Variants in WDR62 observed in about 807,000 individuals in gnomAD.
WDR62 encodes the protein WD repeat-containing protein 62.
WDR62 carries 112 observed loss-of-function variants against 160.6 expected under a neutral mutation model. That is an observed-to-expected ratio of 0.70 (90% CI 0.60 to 0.82). The LOEUF is 0.82. Ranked by LOEUF, WDR62 falls within the 40% of genes least tolerant of loss-of-function variation. The pLI, the probability that WDR62 is intolerant of heterozygous loss-of-function variation, is 0.00. For synonymous variants in WDR62, 792 were observed against 815.1 expected (o/e 0.97, Z 0.48); for missense variants, 1,819 against 1,983.8 (o/e 0.92, Z 1.58).
At chr19:36,106,718 G>A (rs1270290026), downstream of WDR62, among the ~76,000 whole-genome samples, 1 of 152,226 alleles carries the variant, frequency 6.6e-6, no homozygotes, top group East Asian at 1.9e-4. Context: ...GCAAGGGGAG[G>A]GCAGGAGCTG....
chr19:36,079,644 C>T (rs1423116487), intron 9 of WDR62, among the ~76,000 whole-genome samples: 1 of 152,216 alleles, frequency 6.6e-6, no homozygotes, highest in African/African-American at 2.4e-5. Context: ...CTCCTACTTT[C>T]AGCTGCTGTT....
At chr19:36,111,143 G>A in the WDR62 span, 65 of 1,382,306 alleles carry the variant, frequency 4.7e-5, no homozygotes, top group Non-Finnish European at 4.7e-5. Context: ...AGTCATCCTG[G>A]GGCTGAGGTC....
chr19:36,078,077 G>T (rs373063085), intron 9 of WDR62, among the ~76,000 whole-genome samples: 1 of 151,940 alleles, frequency 6.6e-6, no homozygotes, highest in Admixed American at 6.6e-5. Flanking sequence ...ATCAGTTGAC[G>T]GCCACTTGGG....
At chr19:36,082,048 G>A (rs986159960) in intron 10 of WDR62, 34 of 358,026 alleles carry the variant, frequency 9.5e-5, no homozygotes, top group South Asian at 5.8e-4. Flanking sequence ...GTGAGAGGGC[G>A]TCTCTGGGGA....
chr19:36,086,606 C>A (rs1331230877), intron 12 of WDR62, 81 bp from the exon 13 acceptor site: 12 of 1,519,200 alleles, frequency 7.9e-6, no homozygotes, highest in Admixed American at 3.9e-5. Context: ...GAGGACTGGG[C>A]AGCTTGGTCA....
chr19:36,079,506 C>A (rs998838668), intron 9 of WDR62, among the ~76,000 whole-genome samples: 1 of 152,168 alleles, frequency 6.6e-6, no homozygotes, highest in African/African-American at 2.4e-5. Context: ...TGGTCAATTT[C>A]ATTTCTACTC....
intron 21 of WDR62, among the ~76,000 whole-genome samples, chr19:36,097,353 T>C (rs1973036086): frequency 6.6e-6 from 1 of 152,178 alleles, no homozygotes; most frequent in South Asian, 2.1e-4. Flanking sequence ...AATATCCCCA[T>C]TAAATAAGTA....
At chr19:36,097,188 A>AGAGG in intron 21 of WDR62, 109 bp downstream of exon 21, 1 of 1,064,382 alleles carries the variant, frequency 9.4e-7, no homozygotes, top group Non-Finnish European at 1.4e-6. Flanking sequence ...TCCCTGGAGA[A>AGAGG]GCCCTGTCAT....
At chr19:36,055,215 A>G in intron 1 of WDR62, 67 bp downstream of exon 1, 1 of 1,530,392 alleles carries the variant, frequency 6.5e-7, no homozygotes, top group Admixed American at 2.0e-5. Context: ...TCCCGTCCTG[A>G]GAACTGTGGC....
intron 4 of WDR62, 45 bp from the exon 5 acceptor site, chr19:36,066,212 G>A (rs768985254): frequency 6.2e-7 from 1 of 1,613,122 alleles, no homozygotes; most frequent in Admixed American, 1.7e-5. Context: ...CTCTAGCCCT[G>A]CCCAGTACAG....
chr19:36,102,585 C>T, intron 26 of WDR62, 152 bp from the exon 27 acceptor site: 1 of 673,276 alleles, frequency 1.5e-6, no homozygotes, highest in Non-Finnish European at 2.6e-6. Context: ...TGACCTGAGC[C>T]TCACGATGCC....
chr19:36,102,996 T>C lies in WDR62; in HGVS notation c.3384T>C (p.Ser1128=). 1 of 1,614,068 alleles carries C rather than the reference T, an allele frequency of 6.2e-7. No individual in the cohort carries two copies. Among genetic ancestry groups the C allele is most frequent in the Non-Finnish European group, 8.5e-7 (1 of 1,179,984 alleles). ...GGGCAACCCAGTGCCTTGTGAAGTC[T>C]CCAGAGGTCAAGCTCATGGACCGAG... ...PPRATQCLVK[S]PEVKLMDRGG... is the part of the protein sequence containing the mutation. Residue 1128 remains serine (S), a synonymous_variant, in exon 28 of 32, where the codon TCT becomes TCC. Coordinates refer to ENST00000401500, the MANE Select transcript of WDR62 (RefSeq NM_001083961.2).
intron 18 of WDR62, among the ~76,000 whole-genome samples, chr19:36,091,732 A>G (rs1336535643): frequency 6.6e-6 from 1 of 151,884 alleles, no homozygotes; most frequent in East Asian, 1.9e-4. Flanking sequence ...CCCTATCTCT[A>G]CAAAAAATTA....
intron 25 of WDR62, 22 bp from the exon 26 acceptor site, chr19:36,101,992 C>A (rs1472989833): frequency 6.2e-7 from 1 of 1,614,028 alleles, no homozygotes; most frequent in Admixed American, 1.7e-5. Context: ...CTCCTCTTGT[C>A]CCTCCCCTCC....
In WDR62 at chr19:36,089,251, G is replaced by A. The variant is rs1163120586; in HGVS notation, c.1903G>A (p.Asp635Asn). ...AGAGAAAACCACCTTGTATGACATGGACATTGACATCACCCAGAAGTACGT... is the reference window on the plus strand; with the variant it reads ...AGAGAAAACCACCTTGTATGACATGAACATTGACATCACCCAGAAGTACGT... ...VAEKTTLYDM[D>N]IDITQKYVAV... Residue 635 changes from aspartate to asparagine, a missense_variant, in exon 15 of 32, where the codon GAC becomes AAC. Coordinates refer to ENST00000401500, the MANE Select transcript of WDR62 (RefSeq NM_001083961.2). The A allele has an allele frequency of 6.2e-7, 1 of 1,614,048 alleles. No homozygotes were observed. Among genetic ancestry groups the A allele is most frequent in the Non-Finnish European group, 8.5e-7 (1 of 1,180,044 alleles).
At chr19:36,078,637 C>T (rs1971715527) in intron 9 of WDR62, among the ~76,000 whole-genome samples, 1 of 151,700 alleles carries the variant, frequency 6.6e-6, no homozygotes, top group African/African-American at 2.4e-5. Context: ...GAGTTTGAGA[C>T]CAGCCTGGCC....
chr19:36,102,948 G>C lies in WDR62; in HGVS notation c.3336G>C (p.Arg1112Ser). ...QFLSSLQKAS[R>S]FTHTFPPRAT... is the part of the protein sequence containing the mutation. ...ATCCCCCCTGCTCTCCTCCCCACAG[G>C]TTCACCCATACCTTCCCTCCCCGGG... Residue 1112 changes from arginine (R) to serine (S), a missense_variant and splice_region_variant, in exon 28 of 32, where the codon AGG becomes AGC. Arg to Ser is a moderately radical substitution (Grantham distance 110). Around this residue, in one of 3 missense-constraint regions of WDR62, gnomAD observed 770 missense variants for 734.2 expected, o/e 1.05. Coordinates refer to ENST00000401500, the MANE Select transcript of WDR62 (RefSeq NM_001083961.2). 6.2e-7 allele frequency: 1 copy of C among 1,614,100 alleles called. No homozygotes were observed. Among genetic ancestry groups the C allele is most frequent in the Non-Finnish European group, 8.5e-7 (1 of 1,180,026 alleles).
rs112947119 is a variant in WDR62 at position 36,054,939 on chromosome 19, G to A, written c.-33G>A. 12 of 1,560,414 alleles carry A rather than the reference G, an allele frequency of 7.7e-6. No individual in the cohort carries two copies. Among genetic ancestry groups the A allele is most frequent in the Admixed American group, 1.9e-5 (1 of 53,222 alleles). ...TGGCGGTGGCGGCAGCGGCGGTTAG[G>A]GGATGTAACGGTCGCCCGCCTCCGG... is the stretch of plus-strand genomic sequence containing the variant. On this transcript the variant is annotated 5_prime_UTR_variant, in exon 1 of 32. Transcript: ENST00000401500.
chr19:36,068,041 C>T (rs1971038593), intron 7 of WDR62, 31 bp downstream of exon 7: 1 of 1,603,070 alleles, frequency 6.2e-7, no homozygotes. Flanking sequence ...ATCAGCTGGA[C>T]AGACTCTTTC....
Sources: allele counts gnomAD v4.1 joint callset (sites outside exome capture counted in the v4.1 genomes callset), GRCh38; gene constraint gnomAD v4.1.1; regional missense constraint gnomAD v4.1.1; transcripts MANE v1.5; gene names NCBI Gene and HGNC (gene_info 2026-07-23, HGNC 2026-07-21).